The following MINK1 variants were observed in gnomAD, a reference collection of about 807,000 sequenced individuals.
The protein encoded by MINK1 is misshapen like kinase 1, also known as misshapen-like kinase 1.
Under a neutral mutation model 178.4 loss-of-function variants are expected in MINK1, and 46 were observed. That is an observed-to-expected ratio of 0.26 (90% CI 0.20 to 0.33). MINK1 has a LOEUF of 0.33. Ranked by LOEUF, MINK1 falls within the 10% of genes least tolerant of loss-of-function variation. The pLI is 1.00. For synonymous variants in MINK1, 797 were observed against 709.7 expected, an observed-to-expected ratio of 1.12 and a Z score of -1.96; for missense variants, 1,366 against 1,814.9, an observed-to-expected ratio of 0.75 and a Z score of 4.49.
chr17:4,883,534 T>C (rs1169807845), intron 4 of MINK1, among the ~76,000 whole-genome samples: 1 of 151,082 alleles, frequency 6.6e-6, no homozygotes, highest in African/African-American at 2.4e-5. Context: ...TTGGGTTTTT[T>C]GTTTGTTTGT....
At chr17:4,856,773 T>C (rs1408539781) in intron 1 of MINK1, 1 of 154,086 alleles carries the variant, frequency 6.5e-6, no homozygotes, top group Non-Finnish European at 1.4e-5. Context: ...GTCCACAGCA[T>C]GGGGCGGGAG....
At chr17:4,845,528 A>C (rs1015031400) in intron 1 of MINK1, among the ~76,000 whole-genome samples, 1 of 152,152 alleles carries the variant, frequency 6.6e-6, no homozygotes, top group Non-Finnish European at 1.5e-5. Context: ...AAGGGCGGTC[A>C]ACCCTCCTGG....
chr17:4,895,439 C>T lies in MINK1; in HGVS notation c.3175C>T (p.Arg1059Cys), dbSNP rs771687638. ...GGTGTATGGACTCATTGGGCGGCGA[C>T]GCTTCCAGCAGATGGATGTGCTGGA... Reference protein sequence around the residue: ...GKVYGLIGRRRFQQMDVLEGL... With the variant: ...GKVYGLIGRRCFQQMDVLEGL... Residue 1059 changes from arginine to cysteine, a missense_variant, in exon 26 of 32, where the codon CGC (arginine) becomes TGC (cysteine). Physicochemically the swap from Arg to Cys is radical, Grantham distance 180 (BLOSUM62 -3). Coordinates refer to ENST00000355280, the MANE Select transcript of MINK1 (RefSeq NM_153827.5). The surrounding 1 kb of genome is among the most constrained non-coding windows in gnomAD (Gnocchi z 4.3). 6.2e-7 allele frequency: 1 copy of T among 1,607,258 alleles called. No individual in the cohort carries two copies. The highest frequency in any genetic ancestry group is 8.5e-7 in the Non-Finnish European group (1 of 1,175,986).
In MINK1 at chr17:4,880,980, G is replaced by T. The variant is rs367738274; in HGVS notation, c.124-4G>T. The stretch of plus-strand genomic sequence containing the variant: ...GCATAGACTCAGATCCCTCTGTCCC[G>T]CAGGGTCGGCATGTCAAGACGGGGC... On this transcript the variant is annotated splice_polypyrimidine_tract_variant and splice_region_variant and intron_variant, in intron 2 of 31. Transcript: ENST00000355280. The T allele has an allele frequency of 6.6e-7, 1 of 1,506,304 alleles. No homozygotes were observed. Among genetic ancestry groups the T allele is most frequent in the Non-Finnish European group, 8.8e-7 (1 of 1,131,216 alleles). 93.3% of individuals were successfully genotyped at this position (1,506,304 alleles called of 1,614,324 possible).
chr17:4,854,859 C>T (rs1912769294), intron 1 of MINK1: 2 of 459,796 alleles, frequency 4.3e-6, no homozygotes, highest in Middle Eastern at 3.3e-4. Flanking sequence ...AGTGGAGAGT[C>T]TGTTTCAGAG....
intron 1 of MINK1, among the ~76,000 whole-genome samples, chr17:4,846,797 A>C (rs892879957): frequency 6.6e-6 from 1 of 152,028 alleles, no homozygotes; most frequent in Admixed American, 6.6e-5. Context: ...CTGCCCCCCA[A>C]AGTGCTAGGA....
chr17:4,890,605 T>TGCAGCAGCA lies in MINK1; in HGVS notation c.1440_1448dup (p.Gln485_Gln487dup). ...CAGGAGCATGCCTACCTCAAGTCCCTGCAGCAGCAGCAACAGCAGCAGCAG... is the reference window on the plus strand; with the variant it reads ...CAGGAGCATGCCTACCTCAAGTCCCTGCAGCAGCAGCAGCAGCAGCAACAGCAGCAGCAG... On this transcript the variant is annotated inframe_insertion, in exon 14 of 32. Transcript: ENST00000355280. The TGCAGCAGCA allele has an allele frequency of 1.3e-6, 2 of 1,563,970 alleles. No homozygotes were observed. The highest frequency in any genetic ancestry group is 1.7e-6 in the Non-Finnish European group (2 of 1,155,104).
At chr17:4,877,557 C>T (rs1967296118) in intron 1 of MINK1, among the ~76,000 whole-genome samples, 1 of 152,150 alleles carries the variant, frequency 6.6e-6, no homozygotes, top group African/African-American at 2.4e-5. Flanking sequence ...CTTTCCTCAT[C>T]CCTGCTTTTA....
At chr17:4,868,429 G>C (rs1915363730) in intron 1 of MINK1, among the ~76,000 whole-genome samples, 1 of 151,962 alleles carries the variant, frequency 6.6e-6, no homozygotes, top group South Asian at 2.1e-4. Flanking sequence ...GCCCTTCACA[G>C]CTTCTGGCAA....
chr17:4,891,490 A>G lies in MINK1; in HGVS notation c.1775A>G (p.Tyr592Cys). ...LVAHRVPLKPYAAPVPRSQSL... is the reference protein window; with the variant it reads ...LVAHRVPLKPCAAPVPRSQSL... ...GCACACCGGGTCCCACTGAAGCCATATGCAGCACCTGTACCCCGATCCCAG... is the reference window on the plus strand; with the variant it reads ...GCACACCGGGTCCCACTGAAGCCATGTGCAGCACCTGTACCCCGATCCCAG... Residue 592 changes from tyrosine (Y) to cysteine (C), a missense_variant, in exon 16 of 32, where the codon TAT becomes TGT. Tyr to Cys is a radical substitution (Grantham distance 194). Coordinates refer to ENST00000355280, the MANE Select transcript of MINK1 (RefSeq NM_153827.5). The G allele has an allele frequency of 1.2e-6, 2 of 1,603,724 alleles. No individual in the cohort carries two copies. The highest frequency in any genetic ancestry group is 2.2e-5 in the South Asian group (2 of 90,260).
rs1969477055 is a variant in MINK1, at chr17:4,896,400, G to A, written c.3616-29G>A. On this transcript the variant is annotated intron_variant, in intron 29 of 31. Transcript: ENST00000355280. This position sits in a 1 kb window ranked among gnomAD's most constrained non-coding sequence, Gnocchi z 4.6. ...TGGCCCAGTCTGGGCACCAGACACG[G>A]AGACTCTAGTCCCCCTCCTTCTCCC... The A allele has an allele frequency of 6.2e-7, 1 of 1,611,610 alleles. No homozygotes were observed.
chr17:4,841,215 C>G (rs1005812684), intron 1 of MINK1, among the ~76,000 whole-genome samples: 1 of 152,122 alleles, frequency 6.6e-6, no homozygotes, highest in Admixed American at 6.5e-5. Context: ...CATCTCCGCA[C>G]GGGCACTTCC....
intron 1 of MINK1, among the ~76,000 whole-genome samples, chr17:4,846,042 G>C (rs1020143164): frequency 1.1e-4 from 16 of 152,206 alleles, no homozygotes; most frequent in Non-Finnish European, 1.5e-5. Context: ...CCTTCATGGG[G>C]AAGGAGGAAA....
At chr17:4,874,083 C>T (rs1344827006) in intron 1 of MINK1, among the ~76,000 whole-genome samples, 1 of 152,208 alleles carries the variant, frequency 6.6e-6, no homozygotes, top group Non-Finnish European at 1.5e-5. Context: ...CAGCGGCTTT[C>T]GTGCTTTCGG....
At chr17:4,863,542 G>C (rs1042155442) in intron 1 of MINK1, among the ~76,000 whole-genome samples, 26 of 152,188 alleles carry the variant, frequency 1.7e-4, no homozygotes, top group African/African-American at 6.0e-4. Context: ...GGTCCTTTAG[G>C]CAACAGGAGC....
intron 1 of MINK1, among the ~76,000 whole-genome samples, chr17:4,873,985 C>T (rs942647594): frequency 3.3e-5 from 5 of 152,096 alleles, no homozygotes; most frequent in Non-Finnish European, 7.3e-5. Context: ...AGGCCTCAAA[C>T]AGTTAAATAC....
rs1202876431 is a variant in MINK1 at position 4,894,730 on chromosome 17, C to G, written c.2917+97C>G. 2 of 948,748 alleles carry G rather than the reference C, an allele frequency of 2.1e-6. No homozygotes were observed. The highest frequency in any genetic ancestry group is 3.3e-6 in the Non-Finnish European group (2 of 608,794). The allele number at this position is 948,748 out of a possible 1,614,324, so 58.8% of individuals were successfully genotyped here. A position where few individuals can be genotyped will look rare whatever the true frequency, so the allele number is the denominator to read the frequency against. On this transcript the variant is annotated intron_variant, in intron 24 of 31. Coordinates refer to ENST00000355280, the MANE Select transcript of MINK1 (RefSeq NM_153827.5). This position sits in a 1 kb window ranked among gnomAD's most constrained non-coding sequence, Gnocchi z 4.1. The stretch of plus-strand genomic sequence containing the variant: ...TGAGACGCAGCCTCACAAAGCATAG[C>G]CACAGGACCTCTCCCTTGGGCCCTA...
chr17:4,861,650 G>A, intron 1 of MINK1: 1 of 299,718 alleles, frequency 3.3e-6, no homozygotes, highest in Non-Finnish European at 6.9e-6. Flanking sequence ...ACAGGCACGT[G>A]CCACCACACC....
At chr17:4,851,999 C>CAAAAAAAAAAAAA (rs535581252) in intron 1 of MINK1, among the ~76,000 whole-genome samples, 6 of 69,444 alleles carry the variant, frequency 8.6e-5, no homozygotes, top group African/African-American at 3.2e-4. Flanking sequence ...GACTCTGTCT[C>CAAAAAAAAAAAAA]AAAAAAAAAA....
Sources: gnomAD v4.1 joint callset for allele counts (sites outside exome capture counted in the v4.1 genomes callset) on GRCh38, gnomAD v4.1.1 for gene constraint, Gnocchi (gnomAD v3.1) non-coding constraint, MANE v1.5 for transcripts, NCBI Gene and HGNC (gene_info 2026-07-23, HGNC 2026-07-21) for gene names.